ADAMTS12: variants seen among roughly 807,000 people sequenced by gnomAD.
ADAMTS12 encodes ADAM metallopeptidase with thrombospondin type 1 motif 12, also known as A disintegrin and metalloproteinase with thrombospondin motifs 12.
In ADAMTS12, 118 loss-of-function variants were observed where a neutral mutation model predicts 167.8. That is an observed-to-expected ratio of 0.70 (90% CI 0.61 to 0.82). ADAMTS12 has a LOEUF of 0.82. Ranked by LOEUF, ADAMTS12 falls within the 40% of genes least tolerant of loss-of-function variation. ADAMTS12 has a pLI of 0.00. For missense variants in ADAMTS12, 1,916 were observed against 1,998.8 expected, an observed-to-expected ratio of 0.96 and a Z score of 0.79; for synonymous variants, 704 against 716.9, an observed-to-expected ratio of 0.98 and a Z score of 0.29.
chr5:33,619,860 A>G (rs909677356), intron 14 of ADAMTS12, among the ~76,000 whole-genome samples: 8 of 152,042 alleles, frequency 5.3e-5, no homozygotes, highest in African/African-American at 1.9e-4. Flanking sequence ...ACACGCAGCT[A>G]ATTTTTGTAC....
At chr5:33,643,492 T>C (rs1473210743) in intron 9 of ADAMTS12, 22 bp from the exon 10 acceptor site, 7 of 1,610,548 alleles carry the variant, frequency 4.3e-6, no homozygotes, top group Non-Finnish European at 4.2e-6. Context: ...ATTGCACTTC[T>C]TTTGTATTTT....
At chr5:33,720,021 C>T (rs1228710056) in intron 3 of ADAMTS12, among the ~76,000 whole-genome samples, 1 of 152,038 alleles carries the variant, frequency 6.6e-6, no homozygotes, top group African/African-American at 2.4e-5. Context: ...ACATCTGTAT[C>T]CACAATCTCA....
At chr5:33,595,816 G>A in intron 17 of ADAMTS12, 118 bp downstream of exon 17, 1 of 1,444,234 alleles carries the variant, frequency 6.9e-7, no homozygotes, top group Non-Finnish European at 9.4e-7. Context: ...CCGCGTTCTT[G>A]TATTTATCCA....
chr5:33,597,969 T>C (rs899038134), intron 16 of ADAMTS12, among the ~76,000 whole-genome samples: 1 of 152,128 alleles, frequency 6.6e-6, no homozygotes. Flanking sequence ...TGTGCACGAA[T>C]AGCAAAGGTA....
At chr5:33,626,822 G>A (rs553348302) in intron 13 of ADAMTS12, among the ~76,000 whole-genome samples, 8 of 149,874 alleles carry the variant, frequency 5.3e-5, no homozygotes, top group Admixed American at 1.3e-4. Flanking sequence ...GTGATTTGAC[G>A]ATGGTGGTGG....
At position 33,825,514 on chromosome 5, in the gene ADAMTS12, C is replaced by G. The variant is rs149783442; in HGVS notation, c.489+55605G>C. Among the ~76,000 whole-genome samples the G allele has an allele frequency of 3.2e-4, 48 of 152,206 alleles. No individual in the cohort carries two copies. In the East Asian group the frequency reaches 8.3e-3, roughly 26 times the overall value. The stretch of plus-strand genomic sequence containing the variant: ...ACTCTGGCAAAGAGGAAAATTTGTA[C>G]ATTCAGGATTTGTGTTGCAGATGCT... On this transcript the variant is annotated intron_variant, in intron 2 of 23. Coordinates refer to ENST00000504830, the MANE Select transcript of ADAMTS12 (RefSeq NM_030955.4).
At chr5:33,724,139 A>G (rs998968347) in intron 3 of ADAMTS12, among the ~76,000 whole-genome samples, 2 of 152,224 alleles carry the variant, frequency 1.3e-5, no homozygotes, top group African/African-American at 2.4e-5. Context: ...TCTGGATTTC[A>G]GTATTCTCTC....
At chr5:33,818,256 T>C (rs1419715429) in intron 2 of ADAMTS12, among the ~76,000 whole-genome samples, 1 of 152,078 alleles carries the variant, frequency 6.6e-6, no homozygotes, top group Non-Finnish European at 1.5e-5. Flanking sequence ...TCCTTTGACC[T>C]ACAGGTCCAT....
chr5:33,539,998 C>T (rs113166421), intron 22 of ADAMTS12, among the ~76,000 whole-genome samples: 4,758 of 152,224 alleles, frequency 0.031, 271 homozygotes, highest in African/African-American at 0.11. Context: ...GGAAGCAGGG[C>T]GGGGCGTCGC....
At chr5:33,759,875 TC>T (rs1014522269) in intron 2 of ADAMTS12, among the ~76,000 whole-genome samples, 1 of 152,152 alleles carries the variant, frequency 6.6e-6, no homozygotes, top group African/African-American at 2.4e-5. Context: ...AGCCATTCAG[TC>T]CAATAAAGTG....
intron 2 of ADAMTS12, among the ~76,000 whole-genome samples, chr5:33,757,435 C>T (rs952197919): frequency 4.6e-5 from 7 of 152,302 alleles, no homozygotes; most frequent in East Asian, 3.9e-4. Flanking sequence ...GCAGGAACCA[C>T]GGACGGGGGC....
chr5:33,527,161 C>A lies in ADAMTS12; in HGVS notation c.*27G>T, dbSNP rs1197330806. On this transcript the variant is annotated 3_prime_UTR_variant, in exon 24 of 24. Transcript: ENST00000504830. ...GTCATGGTCAGCAGGCTGCTGCAGT[C>A]TGGTGGAAGCTGGCTTCCTTTTGGG... is the stretch of plus-strand genomic sequence containing the variant. 1 of 1,613,068 alleles carries A rather than the reference C, an allele frequency of 6.2e-7. No individual in the cohort carries two copies. Among genetic ancestry groups the A allele is most frequent in the Non-Finnish European group, 8.5e-7 (1 of 1,179,284 alleles).
chr5:33,752,339 C>T (rs951480607), intron 2 of ADAMTS12, among the ~76,000 whole-genome samples: 7 of 152,252 alleles, frequency 4.6e-5, no homozygotes, highest in African/African-American at 9.6e-5. Flanking sequence ...AGGATCTCAA[C>T]GCTAAGTCTA....
intron 16 of ADAMTS12, among the ~76,000 whole-genome samples, chr5:33,600,424 C>A (rs1033283684): frequency 1.3e-5 from 2 of 152,116 alleles, no homozygotes; most frequent in African/African-American, 2.4e-5. Context: ...ATTCTCAATT[C>A]AATATCCAGA....
At chr5:33,814,939 G>A (rs950529157) in intron 2 of ADAMTS12, among the ~76,000 whole-genome samples, 1 of 152,162 alleles carries the variant, frequency 6.6e-6, no homozygotes, top group Non-Finnish European at 1.5e-5. Flanking sequence ...GAAAGAATAG[G>A]AAAAGGAGTA....
intron 3 of ADAMTS12, among the ~76,000 whole-genome samples, chr5:33,720,664 A>T (rs1743776943): frequency 6.6e-6 from 1 of 152,224 alleles, no homozygotes; most frequent in Non-Finnish European, 1.5e-5. Context: ...TGCTTATTCC[A>T]TGTGCAGTTT....
chr5:33,579,386 C>T lies in ADAMTS12; in HGVS notation c.2866-2226G>A, dbSNP rs148260056. On this transcript the variant is annotated intron_variant, in intron 18 of 23. Coordinates refer to ENST00000504830, the MANE Select transcript of ADAMTS12 (RefSeq NM_030955.4). ...TCTCAGGCAACAGGTGGCTCTCTTT[C>T]GGCTTTCCTTTCCATGAAGTATTAG... Among the ~76,000 whole-genome samples, 540 of 152,278 alleles carry T rather than the reference C, an allele frequency of 3.5e-3. 1 individual carries two copies. The highest frequency in any genetic ancestry group is 0.012 in the African/African-American group (490 of 41,570).
chr5:33,672,365 C>T (rs1056910122), intron 5 of ADAMTS12, among the ~76,000 whole-genome samples: 3 of 151,842 alleles, frequency 2.0e-5, no homozygotes, highest in Middle Eastern at 3.2e-3. Flanking sequence ...CATACATACA[C>T]ACATACCCCC....
chr5:33,738,676 G>A (rs567357821), intron 3 of ADAMTS12, among the ~76,000 whole-genome samples: 7 of 152,324 alleles, frequency 4.6e-5, no homozygotes, highest in South Asian at 2.1e-4. Context: ...TGGGAAACTC[G>A]CTATGTTGGT....
Sources: gnomAD v4.1 joint callset for allele counts (sites outside exome capture counted in the v4.1 genomes callset) on GRCh38, gnomAD v4.1.1 for gene constraint, MANE v1.5 for transcripts, NCBI Gene and HGNC (gene_info 2026-07-23, HGNC 2026-07-21) for gene names.